Variants in KIF5A observed in about 807,000 individuals in gnomAD.
KIF5A encodes the protein kinesin heavy chain isoform 5A.
Under a neutral mutation model 141.3 loss-of-function variants are expected in KIF5A, and 35 were observed. The ratio of observed to expected loss-of-function variants is 0.25; its 90% CI spans 0.19 to 0.33. The LOEUF is 0.33. KIF5A is among the 10% of genes least tolerant of loss of function. KIF5A has a pLI of 1.00. For missense variants in KIF5A, 861 were observed against 1,314.3 expected (o/e 0.66, Z 5.33); for synonymous variants, 448 against 500.2 (o/e 0.90, Z 1.39).
At chr12:57,571,850 C>T (rs539457114) in intron 13 of KIF5A, among the ~76,000 whole-genome samples, 5 of 152,220 alleles carry the variant, frequency 3.3e-5, no homozygotes, top group Non-Finnish European at 7.4e-5. Context: ...TGAGCCACTG[C>T]GCCCGGCTGG....
chr12:57,583,151 C>A lies in KIF5A; in HGVS notation c.3071C>A (p.Pro1024His), dbSNP rs1172190035. ...YEAEDQAKLF[P>H]LHQETAAS ...GCTGAGGACCAGGCCAAGCTTTTCCCTCTCCACCAAGAGACAGCAGCCAGC... is the reference window on the plus strand; with the variant it reads ...GCTGAGGACCAGGCCAAGCTTTTCCATCTCCACCAAGAGACAGCAGCCAGC... The change falls in exon 28 of 29, where the codon CCT becomes CAT. Residue 1024 changes from proline (P) to histidine (H), a missense_variant. Coordinates refer to ENST00000455537, the MANE Select transcript of KIF5A (RefSeq NM_004984.4). 6.2e-7 allele frequency: 1 copy of A among 1,614,092 alleles called. No individual in the cohort carries two copies. Among genetic ancestry groups the A allele is most frequent in the South Asian group, 1.1e-5 (1 of 91,056 alleles).
At chr12:57,577,883 A>C in intron 21 of KIF5A, 110 bp downstream of exon 21, 2 of 1,261,966 alleles carry the variant, frequency 1.6e-6, no homozygotes, top group Non-Finnish European at 2.3e-6. Context: ...TAGCGTAATC[A>C]AGACACATTT....
chr12:57,554,891 G>A (rs987649383), intron 1 of KIF5A, among the ~76,000 whole-genome samples: 4 of 152,176 alleles, frequency 2.6e-5, no homozygotes, highest in Non-Finnish European at 5.9e-5. Flanking sequence ...CCACTCATCA[G>A]GGATTTACCT....
At chr12:57,556,231 C>T (rs955937702) in intron 1 of KIF5A, among the ~76,000 whole-genome samples, 3 of 151,888 alleles carry the variant, frequency 2.0e-5, no homozygotes, top group African/African-American at 4.8e-5. Context: ...CTCCGCCTTC[C>T]GGGTTCACGC....
intron 12 of KIF5A, among the ~76,000 whole-genome samples, chr12:57,570,492 G>A (rs1026963111): frequency 2.0e-5 from 3 of 152,066 alleles, no homozygotes; most frequent in Non-Finnish European, 4.4e-5. Context: ...TCTGCCTCTC[G>A]GGTTCAAGTG....
At chr12:57,564,349 C>T (rs1881999664) in intron 4 of KIF5A, 111 bp from the exon 5 acceptor site, 1 of 1,093,546 alleles carries the variant, frequency 9.1e-7, no homozygotes, top group Admixed American at 1.7e-5. Flanking sequence ...ATGTTCTCTT[C>T]TGTTCTTTTC....
At chr12:57,566,711 G>A (rs1449374122) in intron 6 of KIF5A, among the ~76,000 whole-genome samples, 2 of 148,814 alleles carry the variant, frequency 1.3e-5, no homozygotes, top group African/African-American at 2.5e-5. Flanking sequence ...CACCATGCCC[G>A]CCACTGTTTC....
rs1298114533 is a variant in KIF5A, at chr12:57,572,890, T to C, written c.1716+164T>C. On this transcript the variant is annotated intron_variant, in intron 15 of 28. Transcript: ENST00000455537. This position sits in a 1 kb window ranked among gnomAD's most constrained non-coding sequence, Gnocchi z 4.2. ...CAGGTAGAGGCTTGTATAGACCCAA[T>C]TGAAAAGATACATTCTAGGTTGGGC... Among the ~76,000 whole-genome samples, 1 of 152,104 alleles carries C rather than the reference T, an allele frequency of 6.6e-6. No homozygotes were observed. The highest frequency in any genetic ancestry group is 1.5e-5 in the Non-Finnish European group (1 of 68,004).
In KIF5A at chr12:57,571,310, GC is replaced by G; in HGVS notation, c.1294-9del. 6.5e-7 allele frequency: 1 copy of G among 1,527,866 alleles called. No individual in the cohort carries two copies. The highest frequency in any genetic ancestry group is 9.1e-7 in the Non-Finnish European group (1 of 1,101,642). 94.6% of individuals were successfully genotyped at this position (1,527,866 alleles called of 1,614,324 possible). A position where few individuals can be genotyped will look rare whatever the true frequency, so the allele number is the denominator to read the frequency against. On this transcript the variant is annotated splice_polypyrimidine_tract_variant and intron_variant, in intron 12 of 28. Transcript: ENST00000455537. ...TTCCCTTCACCTGTCTTTCCCTGTT[GC>G]CTCCAACAGGATGATGAAATCAACC...
In KIF5A at chr12:57,569,079, T is replaced by G. The variant is rs1264041425; in HGVS notation, c.819+12T>G. On this transcript the variant is annotated intron_variant, in intron 9 of 28. Coordinates refer to ENST00000455537, the MANE Select transcript of KIF5A (RefSeq NM_004984.4). ...TGGCTGAGGGCACTGTGAGTGATCC[T>G]TAGGTCCCCTCACCCCTCAAGCCAC... 6.2e-7 allele frequency: 1 copy of G among 1,603,800 alleles called. No homozygotes were observed. The highest frequency in any genetic ancestry group is 8.5e-7 in the Non-Finnish European group (1 of 1,171,068).
intron 1 of KIF5A, among the ~76,000 whole-genome samples, chr12:57,558,017 A>G (rs1341907736): frequency 6.6e-6 from 1 of 152,206 alleles, no homozygotes; most frequent in Non-Finnish European, 1.5e-5. Flanking sequence ...GGATCTTTCC[A>G]AAAACCTACT....
chr12:57,556,577 G>A (rs1881752373), intron 1 of KIF5A, among the ~76,000 whole-genome samples: 1 of 151,828 alleles, frequency 6.6e-6, no homozygotes, highest in Admixed American at 6.6e-5. Context: ...CATTTGGAGA[G>A]CGCTCTCCAT....
intron 28 of KIF5A, 22 bp downstream of exon 28, chr12:57,583,237 G>A (rs369368527): frequency 7.1e-4 from 1,031 of 1,459,660 alleles, no homozygotes; most frequent in Non-Finnish European, 9.1e-4. Context: ...CTGCTTCCTC[G>A]GACCAGCCTC....
In KIF5A at chr12:57,577,766, A is replaced by G; in HGVS notation, c.2354A>G (p.Glu785Gly). 1.9e-6 allele frequency: 3 copies of G among 1,613,560 alleles called. No individual in the cohort carries two copies. The highest frequency in any genetic ancestry group is 2.5e-6 in the Non-Finnish European group (3 of 1,179,506). The change falls in exon 21 of 29, where the codon GAG (glutamate) becomes GGG (glycine). Residue 785 changes from glutamate (E) to glycine (G), a missense_variant. This residue lies in a region of KIF5A where 482 missense variants were observed against 661.3 expected (regional missense o/e 0.73). Coordinates refer to ENST00000455537, the MANE Select transcript of KIF5A (RefSeq NM_004984.4). The stretch of plus-strand genomic sequence containing the variant: ...AAGCAGGACCTCAAGGGTCTGGAGG[A>G]GACAGTTGTGAGTGGTTCCCTTCTG... ...QSKQDLKGLE[E>G]TVARELQTLH... is the part of the protein sequence containing the mutation.
chr12:57,574,379 TC>T (rs1882356616), intron 15 of KIF5A, among the ~76,000 whole-genome samples: 2 of 150,324 alleles, frequency 1.3e-5, no homozygotes, highest in East Asian at 2.0e-4. Flanking sequence ...TTCAAGCAAT[TC>T]TTCTGCTTCA....
chr12:57,576,299 C>G lies in KIF5A; in HGVS notation c.2119C>G (p.Arg707Gly). 6.2e-7 allele frequency: 1 copy of G among 1,613,972 alleles called. No individual in the cohort carries two copies. The change falls in exon 19 of 29, where the codon CGG (arginine) becomes GGG (glycine). Residue 707 changes from arginine (R) to glycine (G), a missense_variant. Physicochemically the swap from Arg to Gly is moderately radical, Grantham distance 125. Around this residue, in one of 5 missense-constraint regions of KIF5A, gnomAD observed 482 missense variants for 661.3 expected, o/e 0.73. Transcript: ENST00000455537. ...KALELQMESHREAHHRQLARL... is the reference protein window; with the variant it reads ...KALELQMESHGEAHHRQLARL... ...TCTGGAGCTGCAGATGGAGAGTCAC[C>G]GGGAGGCCCATCACCGGCAGCTGGC...
At chr12:57,569,880 G>C in intron 11 of KIF5A, 107 bp from the exon 12 acceptor site, 1 of 1,421,810 alleles carries the variant, frequency 7.0e-7, no homozygotes, top group Non-Finnish European at 9.5e-7. Context: ...AAAAGGTAGA[G>C]GGTCCACCTG....
chr12:57,571,492 G>T, intron 13 of KIF5A, 103 bp downstream of exon 13: 3 of 1,170,054 alleles, frequency 2.6e-6, no homozygotes, highest in Non-Finnish European at 3.8e-6. Flanking sequence ...GGCGCTTTCT[G>T]CTTGGGGATT....
intron 17 of KIF5A, 80 bp downstream of exon 17, chr12:57,575,837 C>G (rs919584468): frequency 5.5e-6 from 6 of 1,082,914 alleles, no homozygotes; most frequent in South Asian, 1.2e-5. Context: ...CCAATAATCA[C>G]TCACTCAAAG....
Sources: allele counts gnomAD v4.1 joint callset (sites outside exome capture counted in the v4.1 genomes callset), GRCh38; gene constraint gnomAD v4.1.1; regional missense constraint gnomAD v4.1.1; non-coding constraint Gnocchi (gnomAD v3.1); transcripts MANE v1.5; gene names NCBI Gene and HGNC (gene_info 2026-07-23, HGNC 2026-07-21).